Variants in IL23R observed in about 807,000 individuals in gnomAD.
IL23R encodes the protein interleukin 23 receptor, also known as interleukin-23 receptor.
In IL23R, 34 loss-of-function variants were observed where a neutral mutation model predicts 56.9. The ratio of observed to expected loss-of-function variants is 0.60; its 90% CI spans 0.45 to 0.80. The LOEUF (loss-of-function observed/expected upper bound fraction) is 0.80. Among genes scored for constraint, IL23R ranks in the 30% least tolerant of loss-of-function variants. The pLI is 0.00. For synonymous variants in IL23R, 230 were observed against 249.2 expected (o/e 0.92, Z 0.73); for missense variants, 635 against 730.0 (o/e 0.87, Z 1.50).
At chr1:67,254,285 T>C (rs1652820511) in intron 9 of IL23R, among the ~76,000 whole-genome samples, 2 of 152,100 alleles carry the variant, frequency 1.3e-5, no homozygotes, top group African/African-American at 4.8e-5. Flanking sequence ...GCCAGGCTGC[T>C]CTTGAGCTCT....
chr1:67,144,757 G>C (rs554254134), intron 1 of IL23R, among the ~76,000 whole-genome samples: 1 of 151,236 alleles, frequency 6.6e-6, no homozygotes, highest in Non-Finnish European at 1.5e-5. Flanking sequence ...TCTCCCTTCA[G>C]ATTTCTATCT....
chr1:67,258,658 GT>G lies in IL23R; in HGVS notation c.1422del (p.Val475TyrfsTer33), dbSNP rs1286454141. On this transcript the variant is annotated frameshift_variant, in exon 11 of 11. Transcript: ENST00000347310. LOFTEE classifies it low-confidence loss of function (END_TRUNC). ...AAACTCGCTATTCGACAATACTACAGTTGTATATATTCCTGATCTCAACACT... is the reference window on the plus strand; with the variant it reads ...AAACTCGCTATTCGACAATACTACAGTGTATATATTCCTGATCTCAACACT... ...PQNSLFDNTTVVYIPDLNTGY... is the reference protein window; with the variant it reads ...PQNSLFDNTTXVYIPDLNTGY... The G allele has an allele frequency of 6.2e-7, 1 of 1,613,918 alleles. No homozygotes were observed. Among genetic ancestry groups the G allele is most frequent in the Non-Finnish European group, 8.5e-7 (1 of 1,179,946 alleles).
upstream of IL23R, among the ~76,000 whole-genome samples, chr1:67,164,535 G>A (rs990468289): frequency 6.6e-6 from 1 of 152,114 alleles, no homozygotes; most frequent in Admixed American, 6.5e-5. Flanking sequence ...GGGAGGCTGA[G>A]GCAGGAGAAT....
At chr1:67,146,931 C>T (rs945874677) in intron 1 of IL23R, among the ~76,000 whole-genome samples, 6 of 152,192 alleles carry the variant, frequency 3.9e-5, no homozygotes, top group East Asian at 1.9e-4. Flanking sequence ...CACTCCACCC[C>T]GGTCCATAGG....
chr1:67,224,892 T>A (rs1650513839), intron 7 of IL23R, among the ~76,000 whole-genome samples: 10 of 152,226 alleles, frequency 6.6e-5, no homozygotes, highest in Admixed American at 5.2e-4. Context: ...GCATTTTACA[T>A]ATGAATTGTT....
chr1:67,253,083 C>T (rs1230472722), intron 9 of IL23R, among the ~76,000 whole-genome samples: 1 of 152,148 alleles, frequency 6.6e-6, no homozygotes. Context: ...CTTCTCAGGC[C>T]ATATTTAGTT....
At chr1:67,217,848 T>A (rs72676084) in intron 6 of IL23R, among the ~76,000 whole-genome samples, 12 of 152,026 alleles carry the variant, frequency 7.9e-5, no homozygotes, top group Admixed American at 2.0e-4. Flanking sequence ...GGATTAATGT[T>A]AAGGTTGGGT....
At chr1:67,161,068 T>A (rs1214766354) in intron 1 of IL23R, among the ~76,000 whole-genome samples, 1 of 152,234 alleles carries the variant, frequency 6.6e-6, no homozygotes, top group Non-Finnish European at 1.5e-5. Context: ...ATAACTATTA[T>A]CATTGCATTT....
chr1:67,146,974 A>G (rs1417399329), intron 1 of IL23R, among the ~76,000 whole-genome samples: 1 of 152,196 alleles, frequency 6.6e-6, no homozygotes, highest in Non-Finnish European at 1.5e-5. Context: ...GGTCAATCAT[A>G]GAACTTCAGT....
chr1:67,195,440 G>A (rs944477203), intron 4 of IL23R, among the ~76,000 whole-genome samples: 13 of 152,136 alleles, frequency 8.5e-5, no homozygotes, highest in Admixed American at 3.9e-4. Flanking sequence ...TAACAACAAC[G>A]TTATCATTCC....
intron 4 of IL23R, among the ~76,000 whole-genome samples, chr1:67,186,591 G>A (rs1647352968): frequency 6.6e-6 from 1 of 152,120 alleles, no homozygotes; most frequent in African/African-American, 2.4e-5. Flanking sequence ...CATATAATAT[G>A]TGGTCTTTTG....
At chr1:67,215,663 C>T (rs890903120) in intron 6 of IL23R, among the ~76,000 whole-genome samples, 1 of 152,202 alleles carries the variant, frequency 6.6e-6, no homozygotes, top group Non-Finnish European at 1.5e-5. Flanking sequence ...CTCAAAATGT[C>T]ATCAAGGCTC....
chr1:67,219,807 T>A, intron 7 of IL23R, 77 bp downstream of exon 7: 1 of 1,399,938 alleles, frequency 7.1e-7, no homozygotes, highest in Non-Finnish European at 1.0e-6. Flanking sequence ...GGCTCACACC[T>A]ATAATTCCAG....
At chr1:67,184,646 CTT>C (rs547745841) in intron 4 of IL23R, among the ~76,000 whole-genome samples, 1 of 147,452 alleles carries the variant, frequency 6.8e-6, no homozygotes. Context: ...TTGAAGTATG[CTT>C]TTTTTTTTCT....
At chr1:67,178,787 G>A (rs943368980) in intron 3 of IL23R, among the ~76,000 whole-genome samples, 3 of 152,182 alleles carry the variant, frequency 2.0e-5, no homozygotes, top group African/African-American at 7.2e-5. Context: ...TTTGAGATAC[G>A]TCCCACTAAT....
At chr1:67,212,044 C>T (rs1013531733) in intron 6 of IL23R, among the ~76,000 whole-genome samples, 16 of 152,144 alleles carry the variant, frequency 1.1e-4, no homozygotes, top group African/African-American at 3.9e-4. Flanking sequence ...GACTCTACAT[C>T]ACTTTAAAGA....
chr1:67,236,921 T>A (rs1651513313), intron 8 of IL23R, 119 bp downstream of exon 8: 1 of 712,744 alleles, frequency 1.4e-6, no homozygotes, highest in East Asian at 2.7e-5. Context: ...ATGCCTTATG[T>A]CTTCCATAGG....
chr1:67,143,356 G>A (rs188213015), intron 1 of IL23R, among the ~76,000 whole-genome samples: 21 of 152,268 alleles, frequency 1.4e-4, no homozygotes, highest in Non-Finnish European at 2.6e-4. Context: ...CTCAAAAGCA[G>A]ACCAAGCAAA....
chr1:67,146,088 G>A (rs1646676577), intron 1 of IL23R, among the ~76,000 whole-genome samples: 1 of 152,130 alleles, frequency 6.6e-6, no homozygotes, highest in Non-Finnish European at 1.5e-5. Flanking sequence ...GAACTCCCAG[G>A]CCTTTGAATG....
Sources: allele counts gnomAD v4.1 joint callset (sites outside exome capture counted in the v4.1 genomes callset), GRCh38; gene constraint gnomAD v4.1.1; transcripts MANE v1.5; gene names NCBI Gene and HGNC (gene_info 2026-07-23, HGNC 2026-07-21).